Variants in PPHLN1 observed in about 807,000 individuals in gnomAD.
The protein encoded by PPHLN1 is periphilin-1.
PPHLN1 carries 29 observed loss-of-function variants against 51.3 expected under a neutral mutation model. The ratio of observed to expected loss-of-function variants is 0.57; its 90% CI spans 0.42 to 0.77. PPHLN1 has a LOEUF of 0.77. PPHLN1 is among the 30% of genes least tolerant of loss of function. The pLI is 0.00. For synonymous variants in PPHLN1, 147 were observed against 147.8 expected (o/e 0.99, Z 0.04); for missense variants, 436 against 438.4 (o/e 0.99, Z 0.05).
chr12:42,378,928 T>C (rs1472065824), intron 5 of PPHLN1, among the ~76,000 whole-genome samples: 1 of 152,248 alleles, frequency 6.6e-6, no homozygotes, highest in East Asian at 1.9e-4. Context: ...TTGTTGTCCA[T>C]GTTCACATGC....
At chr12:42,331,802 C>T (rs1399147404) in intron 1 of PPHLN1, 1 of 152,126 alleles carries the variant, frequency 6.6e-6, no homozygotes, top group Admixed American at 6.5e-5. Context: ...TTCTGGAGTA[C>T]CATCGAAACT....
intron 9 of PPHLN1, among the ~76,000 whole-genome samples, chr12:42,417,678 C>T (rs947136863): frequency 6.6e-6 from 1 of 151,116 alleles, no homozygotes; most frequent in African/African-American, 2.4e-5. Flanking sequence ...AAAAGTTGCC[C>T]CCTGATAAGG....
chr12:42,426,344 TTGCTA>T (rs1278610218), intron 9 of PPHLN1, among the ~76,000 whole-genome samples: 1 of 152,180 alleles, frequency 6.6e-6, no homozygotes, highest in Non-Finnish European at 1.5e-5. Flanking sequence ...TCATTTATCT[TTGCTA>T]AGGATTTAGT....
rs750657878 is a variant in PPHLN1, at chr12:42,398,925, A to G, written c.840A>G (p.Glu280=). 2.5e-6 allele frequency: 4 copies of G among 1,614,180 alleles called. No individual in the cohort carries two copies. The South Asian group carries it at 4.4e-5, about 18-fold the overall frequency. Residue 280 remains glutamate, a synonymous_variant, in exon 9 of 10, where the codon GAA becomes GAG. Transcript: ENST00000358314. ...EPESNTTHGI[E]LFEDSQLTTR... ...AGTCAAACACAACACATGGGATAGAATTATTTGAAGATAGTCAGCTAACCA... is the reference window on the plus strand; with the variant it reads ...AGTCAAACACAACACATGGGATAGAGTTATTTGAAGATAGTCAGCTAACCA...
chr12:42,351,456 T>A (rs2073344289), intron 2 of PPHLN1: 1 of 152,462 alleles, frequency 6.6e-6, no homozygotes, highest in Admixed American at 6.5e-5. Flanking sequence ...ATATCATCAT[T>A]AGCTGTTGCT....
chr12:42,425,708 T>G (rs1318659719), intron 9 of PPHLN1, among the ~76,000 whole-genome samples: 1 of 152,204 alleles, frequency 6.6e-6, no homozygotes, highest in East Asian at 1.9e-4. Context: ...TTAAAATGAC[T>G]TTTATTTTTA....
chr12:42,391,502 C>G (rs2077711364), intron 7 of PPHLN1, among the ~76,000 whole-genome samples: 1 of 152,148 alleles, frequency 6.6e-6, no homozygotes, highest in Non-Finnish European at 1.5e-5. Context: ...CCTCAGCCTC[C>G]CAAAGTGCTG....
At chr12:42,409,577 GT>G (rs1171946133) in intron 9 of PPHLN1, among the ~76,000 whole-genome samples, 1 of 152,032 alleles carries the variant, frequency 6.6e-6, no homozygotes, top group Admixed American at 6.5e-5. Context: ...GGTAAGGAAT[GT>G]TTTCTTTCAT....
intron 9 of PPHLN1, among the ~76,000 whole-genome samples, chr12:42,439,477 T>C (rs2082753983): frequency 6.6e-6 from 1 of 152,240 alleles, no homozygotes; most frequent in Non-Finnish European, 1.5e-5. Context: ...TCTTGATTAC[T>C]GTAGCTTTAA....
intron 4 of PPHLN1, among the ~76,000 whole-genome samples, chr12:42,360,971 G>A (rs190244193): frequency 6.6e-6 from 1 of 152,226 alleles, no homozygotes; most frequent in African/African-American, 2.4e-5. Flanking sequence ...ATCATTTCCT[G>A]TTCCACTTTC....
chr12:42,335,866 C>CTTT lies in PPHLN1; in HGVS notation c.-20-9_-20-7dup. The stretch of plus-strand genomic sequence containing the variant: ...ACTTCCTAGTATAAAATCCATAATT[C>CTTT]TTTTTTTTTTCTTTAGTGGCTTACA... On this transcript the variant is annotated splice_polypyrimidine_tract_variant and intron_variant, in intron 1 of 9. Transcript: ENST00000358314. 2.3e-6 allele frequency: 3 copies of CTTT among 1,297,992 alleles called. No homozygotes were observed. The highest frequency in any genetic ancestry group is 1.6e-5 in the African/African-American group (1 of 64,130). The allele number at this position is 1,297,992 out of a possible 1,614,324, so 80.4% of individuals were successfully genotyped here. A position where few individuals can be genotyped will look rare whatever the true frequency, so the allele number is the denominator to read the frequency against.
At chr12:42,327,163 A>G (rs1472374460) in intron 1 of PPHLN1, among the ~76,000 whole-genome samples, 3 of 152,086 alleles carry the variant, frequency 2.0e-5, no homozygotes, top group African/African-American at 7.2e-5. Flanking sequence ...TCTCATTTCC[A>G]TGCTGCTTTG....
At chr12:42,397,759 C>T (rs1435847602) in intron 8 of PPHLN1, among the ~76,000 whole-genome samples, 2 of 151,962 alleles carry the variant, frequency 1.3e-5, no homozygotes, top group Non-Finnish European at 2.9e-5. Flanking sequence ...TTTTTTGAGA[C>T]AGTGTCTGGC....
At chr12:42,390,110 T>A (rs2077559013) in intron 7 of PPHLN1, among the ~76,000 whole-genome samples, 1 of 152,200 alleles carries the variant, frequency 6.6e-6, no homozygotes, top group South Asian at 2.1e-4. Flanking sequence ...ATTCTGCCTT[T>A]TATACTTTTT....
intron 9 of PPHLN1, among the ~76,000 whole-genome samples, chr12:42,417,945 T>TG (rs1239926200): frequency 6.9e-5 from 5 of 72,082 alleles, no homozygotes; most frequent in South Asian, 4.6e-4. Flanking sequence ...TTTTTTTTGT[T>TG]TTTTTTTTTT....
chr12:42,410,148 C>CT (rs561114989), intron 9 of PPHLN1, among the ~76,000 whole-genome samples: 1 of 150,960 alleles, frequency 6.6e-6, no homozygotes, highest in Non-Finnish European at 1.5e-5. Flanking sequence ...TCAGTAGAGG[C>CT]TTTCTTACAT....
intron 2 of PPHLN1, among the ~76,000 whole-genome samples, chr12:42,340,866 C>T (rs1007811043): frequency 6.6e-6 from 1 of 151,886 alleles, no homozygotes; most frequent in African/African-American, 2.4e-5. Context: ...AACCCACTAT[C>T]GTTAGTGCTT....
intron 1 of PPHLN1, among the ~76,000 whole-genome samples, chr12:42,327,740 T>C (rs1486332140): frequency 2.0e-5 from 3 of 152,230 alleles, no homozygotes; most frequent in Non-Finnish European, 4.4e-5. Flanking sequence ...TTTATCTTTG[T>C]AACTCCAGTA....
chr12:42,441,502 CT>C lies in PPHLN1; in HGVS notation c.1102del (p.Ter368ArgfsTer7). 1.9e-6 allele frequency: 3 copies of C among 1,565,784 alleles called. No homozygotes were observed. The highest frequency in any genetic ancestry group is 1.7e-6 in the Non-Finnish European group (2 of 1,158,422). On this transcript the variant is annotated frameshift_variant, in exon 10 of 10. Transcript: ENST00000358314. LOFTEE classifies it high-confidence loss of function. Reference protein sequence around the residue: ...YDTSTQDFGEPF With the variant: ...YDTSTQDFGEXF Reference sequence around the variant, plus strand: ...ACTTCCACTCAAGATTTTGGAGAGCCTTTTTAGATTTTTCTGCTCAGGCTAA... The same window carrying C: ...ACTTCCACTCAAGATTTTGGAGAGCCTTTTAGATTTTTCTGCTCAGGCTAA...
Sources: gnomAD v4.1 joint callset for allele counts (sites outside exome capture counted in the v4.1 genomes callset) on GRCh38, gnomAD v4.1.1 for gene constraint, MANE v1.5 for transcripts, NCBI Gene and HGNC (gene_info 2026-07-23, HGNC 2026-07-21) for gene names.